Variants in RBMS3 observed in about 807,000 individuals in gnomAD.
The protein encoded by RBMS3 is RNA binding motif single stranded interacting protein 3.
A neutral mutation model predicts 66.8 loss-of-function variants in RBMS3; 27 were observed. That is an observed-to-expected ratio of 0.40 (90% CI 0.30 to 0.56). RBMS3 has a LOEUF of 0.56. Ranked by LOEUF, RBMS3 falls within the 20% of genes least tolerant of loss-of-function variation. The pLI is 0.40. For synonymous variants in RBMS3, 188 were observed against 183.0 expected (o/e 1.03, Z -0.22); for missense variants, 513 against 549.5 (o/e 0.93, Z 0.66).
intron 6 of RBMS3, among the ~76,000 whole-genome samples, chr3:29,785,633 A>G (rs1451013933): frequency 6.6e-6 from 1 of 152,162 alleles, no homozygotes; most frequent in Non-Finnish European, 1.5e-5. Flanking sequence ...AGCATTTGAC[A>G]AAATCCAGCA....
At chr3:29,698,383 T>A in intron 4 of RBMS3, 1 of 984,768 alleles carries the variant, frequency 1.0e-6, no homozygotes, top group African/African-American at 1.8e-5. Context: ...TAAACCAGAT[T>A]TTTTTTTTCA....
intron 4 of RBMS3, among the ~76,000 whole-genome samples, chr3:29,641,682 A>G (rs1215485067): frequency 6.6e-6 from 1 of 152,050 alleles, no homozygotes; most frequent in Non-Finnish European, 1.5e-5. Context: ...TGTATACTGT[A>G]TGAACATTTG....
At chr3:29,903,814 G>T (rs1176139454) in intron 10 of RBMS3, among the ~76,000 whole-genome samples, 1 of 151,868 alleles carries the variant, frequency 6.6e-6, no homozygotes, top group Non-Finnish European at 1.5e-5. Context: ...TGCCCTTATT[G>T]AATCAATACA....
intron 3 of RBMS3, among the ~76,000 whole-genome samples, chr3:29,507,321 C>A (rs529709479): frequency 3.0e-4 from 46 of 151,824 alleles, no homozygotes; most frequent in Non-Finnish European, 5.6e-4. Flanking sequence ...AAAAATTATA[C>A]ACATGAATGC....
chr3:29,854,323 A>G (rs536251423), intron 6 of RBMS3, among the ~76,000 whole-genome samples: 6 of 152,270 alleles, frequency 3.9e-5, no homozygotes, highest in Non-Finnish European at 8.8e-5. Context: ...CTTTCTAACT[A>G]TTTGTATATA....
intron 1 of RBMS3, among the ~76,000 whole-genome samples, chr3:29,312,163 A>G (rs1436635063): frequency 6.6e-6 from 1 of 151,816 alleles, no homozygotes; most frequent in Non-Finnish European, 1.5e-5. Context: ...CTTTGTGAAC[A>G]TATAGTCTTG....
chr3:29,816,844 C>A (rs762734396), intron 6 of RBMS3, among the ~76,000 whole-genome samples: 1 of 152,104 alleles, frequency 6.6e-6, no homozygotes, highest in African/African-American at 2.4e-5. Flanking sequence ...GTAATTCCAG[C>A]ACTTTGGGAG....
At chr3:29,400,131 G>A (rs1232597727) in intron 1 of RBMS3, among the ~76,000 whole-genome samples, 1 of 152,022 alleles carries the variant, frequency 6.6e-6, no homozygotes, top group African/African-American at 2.4e-5. Flanking sequence ...GGGGAAAAAA[G>A]CTTGATAAAC....
intron 1 of RBMS3, among the ~76,000 whole-genome samples, chr3:29,282,360 T>A (rs1346800216): frequency 1.3e-5 from 2 of 152,186 alleles, no homozygotes; most frequent in Non-Finnish European, 2.9e-5. Flanking sequence ...ACAATAGATG[T>A]TCTTTACTTT....
intron 1 of RBMS3, among the ~76,000 whole-genome samples, chr3:29,404,157 G>T (rs1163780950): frequency 6.6e-6 from 1 of 152,076 alleles, no homozygotes; most frequent in African/African-American, 2.4e-5. Context: ...ATGACATTAT[G>T]ATATCAAACC....
intron 1 of RBMS3, among the ~76,000 whole-genome samples, chr3:29,367,518 G>A (rs2037974430): frequency 1.3e-5 from 2 of 151,992 alleles, no homozygotes. Flanking sequence ...TTCCAAATTG[G>A]CTGTTAACAT....
At chr3:29,690,949 TCATAATTAG>T (rs2051976400) in intron 4 of RBMS3, among the ~76,000 whole-genome samples, 1 of 152,208 alleles carries the variant, frequency 6.6e-6, no homozygotes, top group Non-Finnish European at 1.5e-5. Context: ...ATTTTAGATT[TCATAATTAG>T]CATGTGCTTA....
chr3:29,477,855 T>A (rs1314216380), intron 2 of RBMS3, among the ~76,000 whole-genome samples: 7 of 152,168 alleles, frequency 4.6e-5, no homozygotes, highest in South Asian at 2.1e-4. Context: ...AACCTCTGCC[T>A]CCTGGGCTCA....
intron 1 of RBMS3, among the ~76,000 whole-genome samples, chr3:29,351,524 G>A (rs1176352834): frequency 1.3e-5 from 2 of 151,904 alleles, no homozygotes; most frequent in Non-Finnish European, 2.9e-5. Flanking sequence ...TAAAATATTT[G>A]TATGTTTCTC....
At chr3:29,637,125 C>A (rs140485784) in intron 4 of RBMS3, among the ~76,000 whole-genome samples, 11 of 151,972 alleles carry the variant, frequency 7.2e-5, no homozygotes, top group African/African-American at 2.4e-4. Context: ...CAACACTTTC[C>A]ATTTTTTTCT....
At position 29,808,998 on chromosome 3, in the gene RBMS3, A is replaced by T. The variant is rs539416593; in HGVS notation, c.637+46009A>T. Among the ~76,000 whole-genome samples the T allele has an allele frequency of 2.2e-4, 33 of 152,098 alleles. 2 individuals carry two copies. In the South Asian group the frequency reaches 6.6e-3, roughly 31 times the overall value. On this transcript the variant is annotated intron_variant, in intron 6 of 14. Coordinates refer to ENST00000383767, the MANE Select transcript of RBMS3 (RefSeq NM_001003793.3). ...ATTGATCCAAAATGTAATTTGTCAC[A>T]GTGATGGAAAAGACATCTAAATGTA... is the stretch of plus-strand genomic sequence containing the variant.
intron 6 of RBMS3, among the ~76,000 whole-genome samples, chr3:29,860,964 C>T (rs540904184): frequency 1.3e-5 from 2 of 152,264 alleles, no homozygotes; most frequent in East Asian, 1.9e-4. Context: ...CCCCGGTTCA[C>T]GCCATTCTCC....
rs1699833423 is a variant in RBMS3, at chr3:30,007,478, G to A, written c.*3616G>A. 1 of 152,060 alleles carries A rather than the reference G, an allele frequency of 6.6e-6. No homozygotes were observed. Among genetic ancestry groups the A allele is most frequent in the Non-Finnish European group, 1.5e-5 (1 of 67,958 alleles). The allele number at this position is 152,060 out of a possible 1,614,324, so 9.4% of individuals were successfully genotyped here. A position where few individuals can be genotyped will look rare whatever the true frequency, so the allele number is the denominator to read the frequency against. On this transcript the variant is annotated 3_prime_UTR_variant, in exon 15 of 15. Coordinates refer to ENST00000383767, the MANE Select transcript of RBMS3 (RefSeq NM_001003793.3). ...AACTAAAGCCACAATCCAAATGAGA[G>A]AAACACTGTCTCGTCTAAACTCTAG...
intron 4 of RBMS3, among the ~76,000 whole-genome samples, chr3:29,695,441 C>G (rs989478753): frequency 1.3e-5 from 2 of 152,050 alleles, no homozygotes; most frequent in African/African-American, 4.8e-5. Flanking sequence ...AGTATGTATT[C>G]CTATGTTTGT....
Sources: allele counts gnomAD v4.1 joint callset (sites outside exome capture counted in the v4.1 genomes callset), GRCh38; gene constraint gnomAD v4.1.1; transcripts MANE v1.5; gene names NCBI Gene and HGNC (gene_info 2026-07-23, HGNC 2026-07-21).